Variants in PLCG2 observed in about 807,000 individuals in gnomAD.
PLCG2 encodes phospholipase C gamma 2, also known as 1-phosphatidylinositol 4,5-bisphosphate phosphodiesterase gamma-2.
A neutral mutation model predicts 175.6 loss-of-function variants in PLCG2; 69 were observed. The observed-to-expected ratio is 0.39, with a 90% CI of 0.32 to 0.48. The LOEUF (loss-of-function observed/expected upper bound fraction) is 0.48, where lower values mean the gene tolerates loss of function less well. Ranked by LOEUF, PLCG2 falls within the 20% of genes least tolerant of loss-of-function variation. The pLI is 0.91. For synonymous variants in PLCG2, 827 were observed against 624.0 expected (o/e 1.33, Z -4.85); for missense variants, 1,798 against 1,650.9 (o/e 1.09, Z -1.54).
At chr16:81,800,929 C>T (rs1288776069) in intron 2 of PLCG2, among the ~76,000 whole-genome samples, 2 of 152,020 alleles carry the variant, frequency 1.3e-5, no homozygotes, top group African/African-American at 2.4e-5. Context: ...TGGAAGATGG[C>T]ACCAGCTGGC....
rs73590833 is a variant in PLCG2, at chr16:81,840,714, A to T, written c.194-13730A>T. 5.6e-3 allele frequency among the ~76,000 whole-genome samples: 852 copies of T among 152,048 alleles called. 17 individuals carry two copies. The highest frequency in any genetic ancestry group is 0.02 in the African/African-American group (818 of 41,450). ...AGTAATGTTCGCTAGACCCCTGCTC[A>T]CCTCCTGCTGTGCGGCTCGATTCCT... On this transcript the variant is annotated intron_variant, in intron 2 of 32. Transcript: ENST00000564138.
At position 81,854,541 on chromosome 16, in the gene PLCG2, C is replaced by T. The variant is rs767914449; in HGVS notation, c.291C>T (p.Thr97=). Residue 97 remains threonine, a synonymous_variant, in exon 3 of 33, where the codon ACC becomes ACT. Transcript: ENST00000564138. ...AVRQKEDCCF[T]ILYGTQFVLS... ...GCCAGAAAGAAGACTGCTGCTTCACCATCCTATATGGCACTCAGTTCGTCC... is the reference window on the plus strand; with the variant it reads ...GCCAGAAAGAAGACTGCTGCTTCACTATCCTATATGGCACTCAGTTCGTCC... The T allele has an allele frequency of 6.2e-7, 1 of 1,613,876 alleles. No homozygotes were observed. Among genetic ancestry groups the T allele is most frequent in the African/African-American group, 1.3e-5 (1 of 75,038 alleles).
chr16:81,806,502 TC>T (rs994873169), intron 2 of PLCG2, among the ~76,000 whole-genome samples: 1 of 152,058 alleles, frequency 6.6e-6, no homozygotes, highest in African/African-American at 2.4e-5. Context: ...GTAGAACCTT[TC>T]TTGGGGGTTG....
chr16:81,962,432 T>A lies in PLCG2; in HGVS notation c.*4434T>A, dbSNP rs941107744. The A allele has an allele frequency of 4.7e-6, 1 of 214,954 alleles. No homozygotes were observed. The highest frequency in any genetic ancestry group is 9.4e-6 in the Non-Finnish European group (1 of 106,852). 13.3% of individuals were successfully genotyped at this position (214,954 alleles called of 1,614,324 possible). A position where few individuals can be genotyped will look rare whatever the true frequency, so the allele number is the denominator to read the frequency against. On this transcript the variant is annotated 3_prime_UTR_variant, in exon 33 of 33. Transcript: ENST00000564138. The stretch of plus-strand genomic sequence containing the variant: ...GTTTTTAATTTTCAAAATATTTTCT[T>A]TTTGAAGAGCCAGATTCCAGTGATC...
In PLCG2 at chr16:81,961,110, T is replaced by A; in HGVS notation, c.*3112T>A. ...TTTCTGGTGGTTCCAAATTTTTTGC[T>A]TTCAACAAAGTGGGAGGAACAGCCT... On this transcript the variant is annotated 3_prime_UTR_variant, in exon 33 of 33. Transcript: ENST00000564138. 4.3e-6 allele frequency: 1 copy of A among 231,474 alleles called. No individual in the cohort carries two copies. Among genetic ancestry groups the A allele is most frequent in the Non-Finnish European group, 8.6e-6 (1 of 116,930 alleles). 14.3% of individuals were successfully genotyped at this position (231,474 alleles called of 1,614,324 possible). A position where few individuals can be genotyped will look rare whatever the true frequency, so the allele number is the denominator to read the frequency against.
chr16:81,955,569 G>T (rs552016464), intron 31 of PLCG2, among the ~76,000 whole-genome samples: 2 of 152,196 alleles, frequency 1.3e-5, no homozygotes, highest in Admixed American at 6.5e-5. Context: ...AAAAGTTTAG[G>T]GGTAGGTCTT....
intron 14 of PLCG2, among the ~76,000 whole-genome samples, chr16:81,904,260 C>T (rs1416422673): frequency 1.3e-5 from 2 of 152,228 alleles, no homozygotes; most frequent in East Asian, 1.9e-4. Context: ...TGCCACGTCC[C>T]GATTTTACGA....
At chr16:81,775,348 C>T (rs72834717), upstream of PLCG2, among the ~76,000 whole-genome samples, 13,474 of 152,122 alleles carry the variant, frequency 0.089, 761 homozygotes, top group Non-Finnish European at 0.12. Flanking sequence ...AAATTAAGTC[C>T]AAAGAGGGTG....
chr16:81,912,229 A>G (rs1597127052), intron 18 of PLCG2, among the ~76,000 whole-genome samples: 1 of 151,896 alleles, frequency 6.6e-6, no homozygotes, highest in East Asian at 1.9e-4. Context: ...CACTGTGCCC[A>G]GGCTATTTTA....
intron 1 of PLCG2, among the ~76,000 whole-genome samples, chr16:81,752,501 C>T (rs1391470964): frequency 6.6e-6 from 1 of 152,166 alleles, no homozygotes; most frequent in East Asian, 1.9e-4. Flanking sequence ...AGCAGGCCTC[C>T]AAAAACCCTC....
chr16:81,809,850 C>T (rs1904302303), intron 2 of PLCG2, among the ~76,000 whole-genome samples: 1 of 150,958 alleles, frequency 6.6e-6, no homozygotes, highest in African/African-American at 2.4e-5. Context: ...GGGTCAGAAA[C>T]CAGCTCAAGC....
intron 21 of PLCG2, chr16:81,921,516 C>G (rs1167166099): frequency 2.0e-6 from 1 of 509,942 alleles, no homozygotes; most frequent in African/African-American, 1.9e-5. Context: ...TGACGAACCA[C>G]CTTTGGGCCA....
intron 2 of PLCG2, among the ~76,000 whole-genome samples, chr16:81,767,138 T>G (rs1394007122): frequency 1.8e-3 from 94 of 52,062 alleles, no homozygotes; most frequent in African/African-American, 6.9e-3. Context: ...AACTCGTGGT[T>G]TTTTTTTTTT....
At chr16:81,927,650 G>T (rs910274562) in intron 23 of PLCG2, among the ~76,000 whole-genome samples, 1 of 152,154 alleles carries the variant, frequency 6.6e-6, no homozygotes, top group Non-Finnish European at 1.5e-5. Context: ...CACTTTCAGC[G>T]TGCTAGCACT....
intron 2 of PLCG2, 130 bp from the exon 3 acceptor site, chr16:81,854,314 C>T: frequency 1.2e-6 from 1 of 812,816 alleles, no homozygotes; most frequent in Non-Finnish European, 2.1e-6. Flanking sequence ...AGTCCAGACG[C>T]AGAGATAGCT....
chr16:81,861,908 C>A (rs904475857), intron 5 of PLCG2, among the ~76,000 whole-genome samples: 1 of 152,226 alleles, frequency 6.6e-6, no homozygotes, highest in Non-Finnish European at 1.5e-5. Context: ...CCAGGACCCT[C>A]TGCAGAGAGA....
chr16:81,936,570 G>T (rs955588634), intron 27 of PLCG2, among the ~76,000 whole-genome samples, 192 bp downstream of exon 27: 8 of 152,202 alleles, frequency 5.3e-5, no homozygotes, highest in Non-Finnish European at 7.3e-5. Context: ...AGGACCGAAG[G>T]CTGCTTGGCT....
chr16:81,907,815 G>C, intron 16 of PLCG2, 41 bp downstream of exon 16: 5 of 1,470,452 alleles, frequency 3.4e-6, no homozygotes, highest in Non-Finnish European at 4.7e-6. Context: ...AGGTCCCCAG[G>C]AACCCCGAGG....
chr16:81,849,299 G>A (rs897801132), intron 2 of PLCG2, among the ~76,000 whole-genome samples: 4 of 152,150 alleles, frequency 2.6e-5, no homozygotes, highest in African/African-American at 9.7e-5. Context: ...TTGTGGTGTT[G>A]GCCATGGAAA....
Sources: allele counts gnomAD v4.1 joint callset (sites outside exome capture counted in the v4.1 genomes callset), GRCh38; gene constraint gnomAD v4.1.1; transcripts MANE v1.5; gene names NCBI Gene and HGNC (gene_info 2026-07-23, HGNC 2026-07-21).